The following MIPOL1 variants were observed in gnomAD, a reference collection of about 807,000 sequenced individuals.
MIPOL1 encodes mirror-image polydactyly 1, also known as mirror-image polydactyly gene 1 protein.
In MIPOL1, 57 loss-of-function variants were observed where a neutral mutation model predicts 60.9. The ratio of observed to expected loss-of-function variants is 0.94; its 90% CI spans 0.76 to 1.17. The LOEUF is 1.17. Among genes scored for constraint, MIPOL1 ranks in the 50% most tolerant of loss-of-function variants. The pLI is 0.00. For missense variants in MIPOL1, 551 were observed against 511.6 expected (o/e 1.08, Z -0.74); for synonymous variants, 179 against 168.8 (o/e 1.06, Z -0.47).
intron 9 of MIPOL1, among the ~76,000 whole-genome samples, chr14:37,367,204 T>C (rs1047894397): frequency 4.9e-5 from 7 of 142,446 alleles, no homozygotes; most frequent in African/African-American, 1.7e-4. Flanking sequence ...ATTTCAAAAT[T>C]GCAGAGTTTA....
chr14:37,453,038 G>A (rs1336597679), intron 11 of MIPOL1, among the ~76,000 whole-genome samples: 1 of 152,100 alleles, frequency 6.6e-6, no homozygotes, highest in Non-Finnish European at 1.5e-5. Context: ...AATGATGTTA[G>A]GATGTGCATT....
chr14:37,411,402 T>G (rs1215315402), intron 10 of MIPOL1, among the ~76,000 whole-genome samples: 1 of 152,156 alleles, frequency 6.6e-6, no homozygotes, highest in Non-Finnish European at 1.5e-5. Context: ...TTTTCTTTCA[T>G]TGTCCCTAGA....
intron 10 of MIPOL1, among the ~76,000 whole-genome samples, chr14:37,373,412 A>G (rs8023198): frequency 0.08 from 12,127 of 151,144 alleles, 1,630 homozygotes; most frequent in African/African-American, 0.28. Flanking sequence ...TTTTTTTTAA[A>G]TTATACTTTA....
chr14:37,497,067 G>A (rs1046739924), intron 11 of MIPOL1, among the ~76,000 whole-genome samples: 1 of 151,998 alleles, frequency 6.6e-6, no homozygotes, highest in Non-Finnish European at 1.5e-5. Context: ...TTAATAAATG[G>A]TGCTGGGAAA....
chr14:37,450,863 C>T (rs565604547), intron 11 of MIPOL1, among the ~76,000 whole-genome samples: 15 of 152,052 alleles, frequency 9.9e-5, no homozygotes, highest in Admixed American at 2.0e-4. Flanking sequence ...AATATAAAAT[C>T]GTGTCCACTT....
At chr14:37,430,153 A>G (rs1354040636) in intron 11 of MIPOL1, among the ~76,000 whole-genome samples, 1 of 152,172 alleles carries the variant, frequency 6.6e-6, no homozygotes, top group East Asian at 1.9e-4. Context: ...AGCTGTGATT[A>G]AAAAGAACAC....
At chr14:37,323,623 A>T (rs2088842098) in intron 9 of MIPOL1, among the ~76,000 whole-genome samples, 1 of 152,074 alleles carries the variant, frequency 6.6e-6, no homozygotes, top group African/African-American at 2.4e-5. Context: ...GATAAAATTT[A>T]CATGCACAAA....
intron 1 of MIPOL1, among the ~76,000 whole-genome samples, chr14:37,206,953 ACTTGC>A (rs1367467422): frequency 5.9e-5 from 9 of 152,202 alleles, no homozygotes; most frequent in African/African-American, 1.9e-4. Flanking sequence ...GGTGGAAAAG[ACTTGC>A]CTTGTCTTGG....
At chr14:37,470,971 T>C (rs1453502675) in intron 11 of MIPOL1, among the ~76,000 whole-genome samples, 2 of 152,152 alleles carry the variant, frequency 1.3e-5, no homozygotes, top group Non-Finnish European at 2.9e-5. Flanking sequence ...GGGTGAGGGT[T>C]GAAAATTTAC....
chr14:37,458,097 A>G (rs2094497622), intron 11 of MIPOL1, among the ~76,000 whole-genome samples: 1 of 152,200 alleles, frequency 6.6e-6, no homozygotes, highest in Admixed American at 6.5e-5. Context: ...AAGTCATTAT[A>G]TAATAATAAA....
intron 10 of MIPOL1, among the ~76,000 whole-genome samples, chr14:37,386,284 T>C (rs2153515319): frequency 6.6e-6 from 1 of 152,170 alleles, no homozygotes; most frequent in Middle Eastern, 3.4e-3. Context: ...GTATTTATTT[T>C]CAAACCTCTT....
At chr14:37,491,750 T>C (rs140171821) in intron 11 of MIPOL1, among the ~76,000 whole-genome samples, 2 of 152,330 alleles carry the variant, frequency 1.3e-5, no homozygotes, top group South Asian at 4.1e-4. Flanking sequence ...ATTGACTTAC[T>C]TTATAATAAA....
intron 1 of MIPOL1, among the ~76,000 whole-genome samples, chr14:37,240,153 T>G (rs937795742): frequency 6.6e-6 from 1 of 152,192 alleles, no homozygotes; most frequent in Non-Finnish European, 1.5e-5. Context: ...TAGGATATAT[T>G]TATTCTTCCG....
At chr14:37,488,834 T>G (rs1032311584) in intron 11 of MIPOL1, among the ~76,000 whole-genome samples, 1 of 152,184 alleles carries the variant, frequency 6.6e-6, no homozygotes, top group African/African-American at 2.4e-5. Context: ...CTTCCCTTTG[T>G]GGGTAACCTG....
At chr14:37,440,199 A>G (rs752444552) in intron 11 of MIPOL1, among the ~76,000 whole-genome samples, 8 of 152,156 alleles carry the variant, frequency 5.3e-5, no homozygotes, top group South Asian at 2.1e-4. Context: ...AAAACTTCCA[A>G]TTGTTTCATG....
In MIPOL1 at chr14:37,499,598, T is replaced by C. The variant is rs12432457; in HGVS notation, c.1032-310T>C. Among the ~76,000 whole-genome samples, 409 of 152,326 alleles carry C rather than the reference T, an allele frequency of 2.7e-3. 4 individuals are homozygous for C. Among genetic ancestry groups the C allele is most frequent in the East Asian group, 0.023 (117 of 5,188 alleles). ...CTTTTATTTGCCTAGAGATACTTTA[T>C]TTTCCAGTTCTCTGCTATTCCTTTT... On this transcript the variant is annotated intron_variant, in intron 11 of 12. Coordinates refer to ENST00000684589, the MANE Select transcript of MIPOL1 (RefSeq NM_001388067.1).
At chr14:37,387,299 A>G (rs2093101019) in intron 10 of MIPOL1, among the ~76,000 whole-genome samples, 1 of 151,916 alleles carries the variant, frequency 6.6e-6, no homozygotes, top group Non-Finnish European at 1.5e-5. Flanking sequence ...TAACTATAAT[A>G]TATTAATAAG....
At chr14:37,440,791 G>A (rs962508402) in intron 11 of MIPOL1, among the ~76,000 whole-genome samples, 1 of 152,126 alleles carries the variant, frequency 6.6e-6, no homozygotes, top group African/African-American at 2.4e-5. Context: ...TAGTAGTATT[G>A]CTGGATCAAA....
intron 6 of MIPOL1, among the ~76,000 whole-genome samples, chr14:37,281,643 G>A (rs1337792255): frequency 1.3e-5 from 2 of 152,128 alleles, no homozygotes; most frequent in Non-Finnish European, 2.9e-5. Flanking sequence ...GACCTCAGGT[G>A]ATCCACCCGC....
Sources: allele counts gnomAD v4.1 joint callset (sites outside exome capture counted in the v4.1 genomes callset), GRCh38; gene constraint gnomAD v4.1.1; transcripts MANE v1.5; gene names NCBI Gene and HGNC (gene_info 2026-07-23, HGNC 2026-07-21).